Variants in DMD observed in about 807,000 individuals in gnomAD.
DMD encodes the protein dystrophin.
Under a neutral mutation model 330.1 loss-of-function variants are expected in DMD, and 63 were observed. The ratio of observed to expected loss-of-function variants is 0.19; its 90% CI spans 0.16 to 0.24. The LOEUF (loss-of-function observed/expected upper bound fraction) is 0.24. Ranked by LOEUF, DMD falls within the 10% of genes least tolerant of loss-of-function variation. The pLI is 1.00. For synonymous variants in DMD, 1,223 were observed against 959.8 expected (o/e 1.27, Z -5.07); for missense variants, 3,344 against 2,684.1 (o/e 1.25, Z -5.43).
intron 7 of DMD, among the ~76,000 whole-genome samples, chrX:32,712,233 A>G (rs1229079213): frequency 9.0e-6 from 1 of 111,525 alleles, no homozygotes; most frequent in African/African-American, 3.3e-5. Context: ...AAATAAAAAC[A>G]AACACAAACA....
At chrX:33,063,827 C>T (rs1282030967) in intron 1 of DMD, among the ~76,000 whole-genome samples, 1 of 110,569 alleles carries the variant, frequency 9.0e-6, no homozygotes, top group Non-Finnish European at 1.9e-5. Context: ...CCTAGATGAC[C>T]TGCTACAATA....
At chrX:31,821,903 T>C (rs1401820838) in intron 49 of DMD, among the ~76,000 whole-genome samples, 1 of 112,400 alleles carries the variant, frequency 8.9e-6, no homozygotes, top group Non-Finnish European at 1.9e-5. Context: ...ACTCTTTAAA[T>C]AGGAATGGAA....
intron 4 of DMD, among the ~76,000 whole-genome samples, chrX:32,843,691 G>A (rs991965142): frequency 2.7e-5 from 3 of 111,818 alleles, no homozygotes; most frequent in Non-Finnish European, 5.6e-5. Context: ...GAAAGAGAGA[G>A]GTAATGTAAT....
At chrX:31,598,864 TA>T (rs1178590019) in intron 55 of DMD, among the ~76,000 whole-genome samples, 3 of 112,348 alleles carry the variant, frequency 2.7e-5, no homozygotes, top group African/African-American at 9.7e-5. Context: ...TAAATTCTTA[TA>T]AAGTTTAACA....
intron 15 of DMD, among the ~76,000 whole-genome samples, chrX:32,566,453 C>T (rs1216586920): frequency 8.9e-6 from 1 of 112,422 alleles, no homozygotes; most frequent in East Asian, 2.8e-4. Context: ...ATGTGATTTA[C>T]TGACCATAAA....
At chrX:32,543,963 A>C (rs2048729467) in intron 17 of DMD, among the ~76,000 whole-genome samples, 1 of 112,633 alleles carries the variant, frequency 8.9e-6, no homozygotes, top group Non-Finnish European at 1.9e-5. Context: ...ATTATTTATA[A>C]CACTGAAATT....
Position 32,365,007 on chromosome X carries a change from C to G in DMD, c.5025+13G>C, listed in dbSNP as rs779484327. 2 of 1,208,876 alleles carry G rather than the reference C, an allele frequency of 1.7e-6. No homozygotes were observed. The highest frequency in any genetic ancestry group is 2.2e-6 in the Non-Finnish European group (2 of 893,316). ...CAGAGAAGGGTGTAAAAGCTTCTAG[C>G]CTTTTCTCTTACCAACAAAAGATTT... On this transcript the variant is annotated intron_variant, in intron 35 of 78. Coordinates refer to ENST00000357033, the MANE Select transcript of DMD (RefSeq NM_004006.3).
intron 7 of DMD, among the ~76,000 whole-genome samples, chrX:32,805,546 G>A (rs1242020531): frequency 1.8e-5 from 2 of 111,811 alleles, no homozygotes; most frequent in African/African-American, 3.3e-5. Context: ...TCCCAAACTA[G>A]CAAGACAGCC....
At chrX:31,649,071 C>CCA (rs2080283223) in intron 54 of DMD, among the ~76,000 whole-genome samples, 1 of 111,336 alleles carries the variant, frequency 9.0e-6, no homozygotes, top group Admixed American at 9.5e-5. Context: ...TTGTAGCTAA[C>CCA]ATTAATGGTT....
intron 60 of DMD, among the ~76,000 whole-genome samples, chrX:31,356,924 CTTTTTTTT>C (rs58097229): frequency 4.0e-5 from 3 of 74,291 alleles, no homozygotes; most frequent in Non-Finnish European, 7.7e-5. Context: ...TTTCTTCTGC[CTTTTTTTT>C]TTTTTTTTTT....
At chrX:32,818,642 G>C (rs182758200) in intron 5 of DMD, among the ~76,000 whole-genome samples, 379 of 111,644 alleles carry the variant, frequency 3.4e-3, no homozygotes, top group African/African-American at 0.011. Context: ...AAATGACTAG[G>C]AGTTAACTGG....
intron 1 of DMD, among the ~76,000 whole-genome samples, chrX:33,308,931 T>C: frequency 9.0e-6 from 1 of 111,440 alleles, no homozygotes; most frequent in Non-Finnish European, 1.9e-5. Context: ...TAAACAAACA[T>C]GCGAGACCAC....
At chrX:32,169,256 C>T (rs750640589) in intron 44 of DMD, among the ~76,000 whole-genome samples, 1 of 111,761 alleles carries the variant, frequency 8.9e-6, no homozygotes, top group Non-Finnish European at 1.9e-5. Flanking sequence ...TATGAATGGG[C>T]TATATTATAG....
intron 16 of DMD, among the ~76,000 whole-genome samples, chrX:32,558,943 T>TTTTTTTTTTTTTTTC (rs2050656406): frequency 2.4e-4 from 9 of 36,861 alleles, no homozygotes; most frequent in African/African-American, 6.1e-4. Context: ...ATTTTCTTTT[T>TTTTTTTTTTTTTTTC]TTTTTTTTTT....
At chrX:33,124,736 A>G (rs896824116) in intron 1 of DMD, among the ~76,000 whole-genome samples, 7 of 109,855 alleles carry the variant, frequency 6.4e-5, no homozygotes, top group Admixed American at 2.9e-4. Flanking sequence ...TTAAGAATGG[A>G]TTTATTGGCT....
At chrX:31,936,730 G>T (rs1274889309) in intron 45 of DMD, among the ~76,000 whole-genome samples, 2 of 111,114 alleles carry the variant, frequency 1.8e-5, no homozygotes, top group Non-Finnish European at 3.8e-5. Context: ...TTTTACCATT[G>T]TTCAGATATT....
intron 48 of DMD, among the ~76,000 whole-genome samples, chrX:31,851,337 A>G (rs189569305): frequency 8.9e-6 from 1 of 112,022 alleles, no homozygotes; most frequent in African/African-American, 3.2e-5. Flanking sequence ...ATCTGTCCAA[A>G]TATACAAAGC....
At chrX:31,771,323 C>A (rs2090322752) in intron 51 of DMD, among the ~76,000 whole-genome samples, 1 of 109,608 alleles carries the variant, frequency 9.1e-6, no homozygotes, top group Admixed American at 9.9e-5. Context: ...AAGCATCCCC[C>A]TATTCAGCAA....
intron 55 of DMD, among the ~76,000 whole-genome samples, chrX:31,536,560 A>G (rs1406673032): frequency 9.0e-6 from 1 of 111,546 alleles, no homozygotes; most frequent in East Asian, 2.8e-4. Flanking sequence ...AGCTATTTCA[A>G]ATTGCCACTC....
Sources: allele counts gnomAD v4.1 joint callset (sites outside exome capture counted in the v4.1 genomes callset), GRCh38; gene constraint gnomAD v4.1.1; transcripts MANE v1.5; gene names NCBI Gene and HGNC (gene_info 2026-07-23, HGNC 2026-07-21).